The following ZNF423 variants were observed in gnomAD, a reference collection of about 807,000 sequenced individuals.
ZNF423 encodes Ebf-associated zinc finger protein.
A neutral mutation model predicts 95.8 loss-of-function variants in ZNF423; 12 were observed. That is an observed-to-expected ratio of 0.13 (90% CI 0.08 to 0.20). The LOEUF is 0.20. ZNF423 is among the 10% of genes least tolerant of loss of function. The pLI, the probability that ZNF423 is intolerant of heterozygous loss-of-function variation, is 1.00. For missense variants in ZNF423, 1,316 were observed against 1,737.1 expected, an observed-to-expected ratio of 0.76 and a Z score of 4.31; for synonymous variants, 749 against 711.9, an observed-to-expected ratio of 1.05 and a Z score of -0.83.
At chr16:49,761,368 A>C (rs2033830177) in intron 2 of ZNF423, among the ~76,000 whole-genome samples, 1 of 152,214 alleles carries the variant, frequency 6.6e-6, no homozygotes, top group African/African-American at 2.4e-5. Flanking sequence ...CTCCCATGCC[A>C]CGGCAGGGCC....
intron 5 of ZNF423, among the ~76,000 whole-genome samples, chr16:49,543,586 C>T (rs1361577273): frequency 6.6e-6 from 1 of 152,192 alleles, no homozygotes; most frequent in Non-Finnish European, 1.5e-5. Flanking sequence ...ATGCCCTGTC[C>T]TTTGGAGAGG....
chr16:49,593,495 C>T (rs1057376497), intron 5 of ZNF423, among the ~76,000 whole-genome samples: 8 of 143,840 alleles, frequency 5.6e-5, no homozygotes, highest in African/African-American at 1.9e-4. Flanking sequence ...GAGGTCTCAC[C>T]CCTGCCTCTC....
chr16:49,853,113 A>T lies in ZNF423; in HGVS notation c.40+2622T>A, dbSNP rs1373488777. Among the ~76,000 whole-genome samples the T allele has an allele frequency of 3.9e-5, 6 of 152,348 alleles. No homozygotes were observed. In the East Asian group the frequency reaches 1.2e-3, roughly 29 times the overall value. ...GGCCGGGGAAGTCCACAAAGCCTCT[A>T]CATTAGCCCTGACACACAGCAGTGG... On this transcript the variant is annotated intron_variant, in intron 1 of 7. Coordinates refer to ENST00000563137, the MANE Select transcript of ZNF423 (RefSeq NM_001379286.1).
chr16:49,528,601 G>A (rs368841703), intron 5 of ZNF423, among the ~76,000 whole-genome samples: 7 of 152,318 alleles, frequency 4.6e-5, no homozygotes, highest in African/African-American at 1.7e-4. Context: ...AATAAAGCCT[G>A]AAGGGTTCCC....
chr16:49,769,630 C>G (rs553790953), intron 2 of ZNF423, among the ~76,000 whole-genome samples: 59 of 152,254 alleles, frequency 3.9e-4, no homozygotes, highest in African/African-American at 1.4e-3. Flanking sequence ...CCCACTAAGG[C>G]TCCAGGCCTG....
In ZNF423 at chr16:49,733,762, A is replaced by C. The variant is rs542588978; in HGVS notation, c.101-2791T>G. Reference sequence around the variant, plus strand: ...ACAGGGAAGACTCAGGGGCCTGAAGAAGTTTTGGGGAGTGGGACTTCCCTG... The same window carrying C: ...ACAGGGAAGACTCAGGGGCCTGAAGCAGTTTTGGGGAGTGGGACTTCCCTG... On this transcript the variant is annotated intron_variant, in intron 2 of 7. Coordinates refer to ENST00000563137, the MANE Select transcript of ZNF423 (RefSeq NM_001379286.1). Among the ~76,000 whole-genome samples the C allele has an allele frequency of 7.9e-5, 12 of 152,106 alleles. 1 individual carries two copies. In the Middle Eastern group the frequency reaches 0.01, roughly 129 times the overall value.
intron 5 of ZNF423, among the ~76,000 whole-genome samples, chr16:49,611,966 A>G (rs1596715096): frequency 6.6e-6 from 1 of 152,106 alleles, no homozygotes; most frequent in African/African-American, 2.4e-5. Flanking sequence ...GAATAGTCCT[A>G]TTCTATTAAG....
chr16:49,507,425 C>T (rs1319877541), intron 7 of ZNF423, among the ~76,000 whole-genome samples: 1 of 152,102 alleles, frequency 6.6e-6, no homozygotes, highest in African/African-American at 2.4e-5. Context: ...TGAGCCACCA[C>T]GCCTGGCCAA....
chr16:49,647,797 T>C (rs978223125), intron 3 of ZNF423, among the ~76,000 whole-genome samples: 2 of 152,204 alleles, frequency 1.3e-5, no homozygotes, highest in African/African-American at 4.8e-5. Context: ...GATACTATTT[T>C]TTGTTTGTTG....
chr16:49,854,673 C>A, intron 1 of ZNF423: 15 of 985,416 alleles, frequency 1.5e-5, no homozygotes, highest in Non-Finnish European at 1.8e-5. Context: ...AAGCAGCAGG[C>A]AAGGCCTGGA....
chr16:49,501,528 A>G (rs1411435177), intron 7 of ZNF423, among the ~76,000 whole-genome samples: 1 of 152,196 alleles, frequency 6.6e-6, no homozygotes, highest in East Asian at 1.9e-4. Flanking sequence ...ATTACTGCAG[A>G]TGCATCCAAA....
intron 1 of ZNF423, among the ~76,000 whole-genome samples, chr16:49,800,511 G>A (rs1033199669): frequency 2.6e-5 from 4 of 152,222 alleles, no homozygotes; most frequent in South Asian, 2.1e-4. Context: ...TCTCAACAGC[G>A]AGGGTTAAAA....
At chr16:49,527,042 C>T (rs1361942888) in intron 5 of ZNF423, among the ~76,000 whole-genome samples, 2 of 152,196 alleles carry the variant, frequency 1.3e-5, no homozygotes. Flanking sequence ...AAGACATGAA[C>T]ACAGATGGGC....
intron 5 of ZNF423, among the ~76,000 whole-genome samples, chr16:49,548,943 C>G (rs1969535883): frequency 6.6e-6 from 1 of 152,220 alleles, no homozygotes; most frequent in South Asian, 2.1e-4. Context: ...GACCAGGCAG[C>G]TTCCTCTACA....
At chr16:49,806,659 C>T (rs1360420764) in intron 1 of ZNF423, among the ~76,000 whole-genome samples, 1 of 151,954 alleles carries the variant, frequency 6.6e-6, no homozygotes, top group Non-Finnish European at 1.5e-5. Context: ...TGGTTCTGAA[C>T]ACACAGATCA....
chr16:49,801,397 T>C (rs2034581181), intron 1 of ZNF423, among the ~76,000 whole-genome samples: 1 of 152,074 alleles, frequency 6.6e-6, no homozygotes, highest in Admixed American at 6.6e-5. Flanking sequence ...GAGAAATAGC[T>C]CACCTGGGGG....
rs1596987763 is a variant in ZNF423 at position 49,491,149 on chromosome 16, G to T, written c.*126C>A. 1.8e-6 allele frequency: 2 copies of T among 1,140,124 alleles called. No individual in the cohort carries two copies. Among genetic ancestry groups the T allele is most frequent in the East Asian group, 2.4e-5 (1 of 42,256 alleles). The allele number at this position is 1,140,124 out of a possible 1,614,324, so 70.6% of individuals were successfully genotyped here. Reference sequence around the variant, plus strand: ...CTGCTTATAATAGCAGCGCCTCATGGCCAAATCATTAGAGTTTTACATCTG... The same window carrying T: ...CTGCTTATAATAGCAGCGCCTCATGTCCAAATCATTAGAGTTTTACATCTG... On this transcript the variant is annotated 3_prime_UTR_variant, in exon 8 of 8. Transcript: ENST00000563137.
rs773539943 is a variant in ZNF423, at chr16:49,636,905, C to G, written c.2271G>C (p.Met757Ile). The G allele has an allele frequency of 1.2e-6, 2 of 1,613,944 alleles. No individual in the cohort carries two copies. Among genetic ancestry groups the G allele is most frequent in the Non-Finnish European group, 1.7e-6 (2 of 1,180,028 alleles). ...CCCAGTTGCAGGCCGTGCAGCGGTA[C>G]ATCTTCTTCTCATTGCTGTGCTTCA... ...LAVKHSNEKK[M>I]YRCTACNWDF... Residue 757 changes from methionine to isoleucine, a missense_variant, in exon 4 of 8, where the codon ATG becomes ATC. This residue lies in a region of ZNF423 where 620 missense variants were observed against 775.6 expected (regional missense o/e 0.80). Transcript: ENST00000563137. This position sits in a 1 kb window ranked among gnomAD's most constrained non-coding sequence, Gnocchi z 8.6.
At chr16:49,779,718 C>T (rs967725279) in intron 2 of ZNF423, among the ~76,000 whole-genome samples, 1 of 152,122 alleles carries the variant, frequency 6.6e-6, no homozygotes, top group African/African-American at 2.4e-5. Flanking sequence ...TATTGATTTC[C>T]AGTGTCCACC....
Sources: gnomAD v4.1 joint callset for allele counts (sites outside exome capture counted in the v4.1 genomes callset) on GRCh38, gnomAD v4.1.1 for gene constraint, gnomAD v4.1.1 regional missense constraint, Gnocchi (gnomAD v3.1) non-coding constraint, MANE v1.5 for transcripts, NCBI Gene and HGNC (gene_info 2026-07-23, HGNC 2026-07-21) for gene names.